Variants in CD9 observed in about 807,000 individuals in gnomAD.
CD9 encodes the protein CD9 molecule, also known as CD9 antigen.
Under a neutral mutation model 31.4 loss-of-function variants are expected in CD9, and 10 were observed. That is an observed-to-expected ratio of 0.32 (90% CI 0.20 to 0.54). The LOEUF (loss-of-function observed/expected upper bound fraction) is 0.54, where lower values mean the gene tolerates loss of function less well. Ranked by LOEUF, CD9 falls within the 20% of genes least tolerant of loss-of-function variation. CD9 has a pLI of 0.94. For missense variants in CD9, 259 were observed against 300.1 expected (o/e 0.86, Z 1.01); for synonymous variants, 113 against 114.1 (o/e 0.99, Z 0.06).
rs1946473657 is a variant in CD9 at position 6,233,197 on chromosome 12, A to G, written c.274-215A>G. On this transcript the variant is annotated intron_variant, in intron 3 of 7. Coordinates refer to ENST00000009180, the MANE Select transcript of CD9 (RefSeq NM_001769.4). ...CTCAGCTGTGCTCAGCTCTTTCCTC[A>G]TGTCCGGGCACCTTGCCTCACTGTG... 8 of 636,640 alleles carry G rather than the reference A, an allele frequency of 1.3e-5. No individual in the cohort carries two copies. In the Admixed American group the frequency reaches 1.8e-4, roughly 14 times the overall value. The allele number at this position is 636,640 out of a possible 1,614,324, so 39.4% of individuals were successfully genotyped here.
intron 1 of CD9, among the ~76,000 whole-genome samples, chr12:6,207,230 C>T (rs1298533081): frequency 2.0e-5 from 3 of 152,204 alleles, no homozygotes; most frequent in Admixed American, 6.5e-5. Context: ...CCTCAGTTTC[C>T]AGACAACCCC....
intron 2 of CD9, among the ~76,000 whole-genome samples, chr12:6,227,144 T>G (rs983880783): frequency 2.0e-5 from 3 of 152,322 alleles, no homozygotes; most frequent in South Asian, 2.1e-4. Flanking sequence ...GTTAAGAATC[T>G]CATGGGTAAG....
intron 1 of CD9, among the ~76,000 whole-genome samples, chr12:6,219,287 T>C (rs1302820390): frequency 1.3e-5 from 2 of 151,208 alleles, no homozygotes; most frequent in Admixed American, 1.3e-4. Context: ...ATTACAGGCA[T>C]GAGCCACCGC....
chr12:6,230,553 T>A (rs994512178), intron 2 of CD9, among the ~76,000 whole-genome samples: 6 of 152,254 alleles, frequency 3.9e-5, no homozygotes, highest in Admixed American at 3.3e-4. Flanking sequence ...ACCTCCTGTT[T>A]ATTCAGCCCC....
Position 6,238,037 on chromosome 12 carries a change from G to A in CD9, c.*209G>A. 1 of 462,356 alleles carries A rather than the reference G, an allele frequency of 2.2e-6. No homozygotes were observed. The highest frequency in any genetic ancestry group is 2.6e-5 in the South Asian group (1 of 38,324). 28.6% of individuals were successfully genotyped at this position (462,356 alleles called of 1,614,324 possible). On this transcript the variant is annotated 3_prime_UTR_variant, in exon 8 of 8. Transcript: ENST00000009180. ...ATTGACATTTGTAGTTGAGCGGGGG[G>A]TTTGGTTTGCTTTGGTTTATATTTT...
chr12:6,214,211 G>C (rs930150613), intron 1 of CD9, among the ~76,000 whole-genome samples: 1 of 152,178 alleles, frequency 6.6e-6, no homozygotes, highest in African/African-American at 2.4e-5. Context: ...GATTCAGTGA[G>C]AGACTGTACA....
Position 6,225,505 on chromosome 12 carries a change from CTAA to C in CD9, c.157_159del (p.Asn53del), listed in dbSNP as rs771250328. On this transcript the variant is annotated inframe_deletion, in exon 2 of 8. Coordinates refer to ENST00000009180, the MANE Select transcript of CD9 (RefSeq NM_001769.4). ...ACCAAGAGCATCTTCGAGCAAGAAA[CTAA>C]TAATAATAATTCCAGCTTCTACACA... 8 of 1,610,550 alleles carry C rather than the reference CTAA, an allele frequency of 5.0e-6. No individual in the cohort carries two copies. The highest frequency in any genetic ancestry group is 3.3e-5 in the South Asian group (3 of 91,024).
chr12:6,223,477 G>T (rs1946319725), intron 1 of CD9, among the ~76,000 whole-genome samples: 1 of 152,130 alleles, frequency 6.6e-6, no homozygotes, highest in South Asian at 2.1e-4. Context: ...TAGCCAGGAT[G>T]GTCTCGATCT....
intron 1 of CD9, among the ~76,000 whole-genome samples, chr12:6,221,967 C>T (rs954190676): frequency 6.6e-6 from 1 of 152,146 alleles, no homozygotes; most frequent in African/African-American, 2.4e-5. Flanking sequence ...TGCACTCCAG[C>T]CTGGGTGACG....
intron 5 of CD9, 41 bp from the exon 6 acceptor site, chr12:6,235,435 A>G (rs1426894367): frequency 6.2e-7 from 1 of 1,613,340 alleles, no homozygotes; most frequent in Admixed American, 1.7e-5. Flanking sequence ...GTCTTCTTAC[A>G]ATTTGTTTCT....
At chr12:6,231,985 C>T (rs1336101747) in intron 2 of CD9, among the ~76,000 whole-genome samples, 2 of 152,206 alleles carry the variant, frequency 1.3e-5, no homozygotes, top group African/African-American at 4.8e-5. Flanking sequence ...GGTCTTCTGA[C>T]ACCCAGATCT....
rs931422434 is a variant in CD9 at position 6,209,036 on chromosome 12, T to G, written c.66+8471T>G. ...CAGGCTGGAGTGCAGTGGCGCAATC[T>G]TGGCATACTGCAACCTCTGCCTCCC... On this transcript the variant is annotated intron_variant, in intron 1 of 7. Coordinates refer to ENST00000009180, the MANE Select transcript of CD9 (RefSeq NM_001769.4). Among the ~76,000 whole-genome samples the G allele has an allele frequency of 4.0e-5, 6 of 151,708 alleles. No individual in the cohort carries two copies. In the East Asian group the frequency reaches 1.2e-3, roughly 29 times the overall value.
intron 1 of CD9, among the ~76,000 whole-genome samples, chr12:6,218,510 C>G (rs1040405054): frequency 5.9e-5 from 9 of 152,188 alleles, no homozygotes; most frequent in Admixed American, 1.3e-4. Flanking sequence ...CATCAGGAGG[C>G]CAGGCTGTAC....
chr12:6,232,764 G>T lies in CD9; in HGVS notation c.273+35G>T. On this transcript the variant is annotated intron_variant, in intron 3 of 7. Transcript: ENST00000009180. The surrounding 1 kb of genome is among the most constrained non-coding windows in gnomAD (Gnocchi z 4.8). ...CCCTCGGCATCCCCACAGCCACCCT[G>T]ACTCCCACCAACAAAAACCTCAGCA... 7.2e-7 allele frequency: 1 copy of T among 1,392,060 alleles called. No individual in the cohort carries two copies. The highest frequency in any genetic ancestry group is 1.2e-5 in the South Asian group (1 of 81,008). The allele number at this position is 1,392,060 out of a possible 1,614,324, so 86.2% of individuals were successfully genotyped here.
At chr12:6,229,345 C>T (rs1194347664) in intron 2 of CD9, among the ~76,000 whole-genome samples, 1 of 152,190 alleles carries the variant, frequency 6.6e-6, no homozygotes, top group Non-Finnish European at 1.5e-5. Flanking sequence ...CCCATCCTGG[C>T]TTGTGACCTG....
intron 1 of CD9, among the ~76,000 whole-genome samples, chr12:6,224,432 T>G (rs1158083055): frequency 3.9e-5 from 6 of 152,046 alleles, no homozygotes; most frequent in African/African-American, 7.2e-5. Flanking sequence ...CCACATCTGC[T>G]GTCCACCCAA....
chr12:6,214,278 C>T, intron 1 of CD9, among the ~76,000 whole-genome samples: 1 of 149,682 alleles, frequency 6.7e-6, no homozygotes, highest in Non-Finnish European at 1.5e-5. Context: ...GTAACTTCTA[C>T]TGTTAAATTG....
At chr12:6,209,003 C>G (rs918612798) in intron 1 of CD9, among the ~76,000 whole-genome samples, 1 of 151,716 alleles carries the variant, frequency 6.6e-6, no homozygotes, top group African/African-American at 2.4e-5. Flanking sequence ...GAGTCTCGCT[C>G]TGTCACCCAG....
chr12:6,236,677 G>A (rs1946527458), intron 7 of CD9: 1 of 410,418 alleles, frequency 2.4e-6, no homozygotes, highest in Admixed American at 4.0e-5. Context: ...ATCTGAACAT[G>A]GGCAGCCAGA....
Sources: allele counts gnomAD v4.1 joint callset (sites outside exome capture counted in the v4.1 genomes callset), GRCh38; gene constraint gnomAD v4.1.1; non-coding constraint Gnocchi (gnomAD v3.1); transcripts MANE v1.5; gene names NCBI Gene and HGNC (gene_info 2026-07-23, HGNC 2026-07-21).